The following ODC1 variants were observed in gnomAD, a reference collection of about 807,000 sequenced individuals.
ODC1 encodes the protein ornithine decarboxylase 1.
A neutral mutation model predicts 41.5 loss-of-function variants in ODC1; 18 were observed. The observed-to-expected ratio is 0.43, with a 90% CI of 0.30 to 0.64. The LOEUF (loss-of-function observed/expected upper bound fraction) is 0.64. Ranked by LOEUF, ODC1 falls within the 30% of genes least tolerant of loss-of-function variation. ODC1 has a pLI of 0.11. For synonymous variants in ODC1, 218 were observed against 211.6 expected, an observed-to-expected ratio of 1.03 and a Z score of -0.26; for missense variants, 504 against 589.0, an observed-to-expected ratio of 0.86 and a Z score of 1.49.
chr2:10,442,247 G>A, intron 8 of ODC1, 73 bp from the exon 9 acceptor site: 1 of 1,457,048 alleles, frequency 6.9e-7, no homozygotes, highest in Admixed American at 2.2e-5. Flanking sequence ...AACATCACAG[G>A]GCCTTGTGAC....
At chr2:10,442,275 G>A in intron 8 of ODC1, 101 bp from the exon 9 acceptor site, 1 of 1,181,178 alleles carries the variant, frequency 8.5e-7, no homozygotes, top group Non-Finnish European at 1.2e-6. Context: ...CATGAGACCA[G>A]GCATCAACAG....
In ODC1 at chr2:10,444,093, A is replaced by G; in HGVS notation, c.449+2T>C. ...TTGCCCTCAGATGGGGGAATAACTC[A>G]CTTTGCTTTGGGATGTGCTCTGGCA... On this transcript the variant is annotated splice_donor_variant, in intron 5 of 11. Transcript: ENST00000234111. LOFTEE classifies it high-confidence loss of function. 1 of 1,582,612 alleles carries G rather than the reference A, an allele frequency of 6.3e-7. No homozygotes were observed. Among genetic ancestry groups the G allele is most frequent in the Non-Finnish European group, 8.6e-7 (1 of 1,164,910 alleles).
rs375790950 is a variant in ODC1, at chr2:10,441,497, T to C, written c.1241+12A>G. On this transcript the variant is annotated intron_variant, in intron 11 of 11. Coordinates refer to ENST00000234111, the MANE Select transcript of ODC1 (RefSeq NM_002539.3). ...TTCTTGGCAGCACCATCAACATGCA[T>C]GGCTTACTTACCACGCAGGCCCTGA... 4.4e-5 allele frequency: 71 copies of C among 1,612,068 alleles called. No homozygotes were observed. The highest frequency in any genetic ancestry group is 5.9e-5 in the Non-Finnish European group (69 of 1,179,026).
In ODC1 at chr2:10,441,735, G is replaced by C; in HGVS notation, c.1027-12C>G. 6.2e-7 allele frequency: 1 copy of C among 1,613,668 alleles called. No homozygotes were observed. The highest frequency in any genetic ancestry group is 8.5e-7 in the Non-Finnish European group (1 of 1,179,578). On this transcript the variant is annotated splice_polypyrimidine_tract_variant and intron_variant, in intron 10 of 11. Transcript: ENST00000234111. Reference sequence around the variant, plus strand: ...TCTGGTTTAGGTCTCTATATAAAGAGACGGAGAGAGGAAGTACTACTTAAT... The same window carrying C: ...TCTGGTTTAGGTCTCTATATAAAGACACGGAGAGAGGAAGTACTACTTAAT...
At chr2:10,443,871 A>AT (rs753085643) in intron 5 of ODC1, 35 bp from the exon 6 acceptor site, 1 of 1,609,572 alleles carries the variant, frequency 6.2e-7, no homozygotes, top group East Asian at 2.2e-5. Context: ...ATGTCTCATG[A>AT]TAGATGTTCA....
Position 10,442,072 on chromosome 2 carries a change from T to G in ODC1, c.853A>C (p.Thr285Pro), listed in dbSNP as rs1361009223. Reference protein sequence around the residue: ...PGRYYVASAFTLAVNIIAKKI... With the variant: ...PGRYYVASAFPLAVNIIAKKI... Reference sequence around the variant, plus strand: ...TTGGCAATGATATTAACTGCAAGCGTGAAAGCTGATGCAACATAGTATCTG... The same window carrying G: ...TTGGCAATGATATTAACTGCAAGCGGGAAAGCTGATGCAACATAGTATCTG... The change falls in exon 9 of 12, where the codon ACG becomes CCG. Residue 285 changes from threonine (T) to proline (P), a missense_variant. Thr to Pro is a conservative substitution (Grantham distance 38, BLOSUM62 -1). Around this residue, in one of 3 missense-constraint regions of ODC1, gnomAD observed 447 missense variants for 524.4 expected, o/e 0.85. Transcript: ENST00000234111. 1 of 1,614,028 alleles carries G rather than the reference T, an allele frequency of 6.2e-7. No individual in the cohort carries two copies. Among genetic ancestry groups the G allele is most frequent in the East Asian group, 2.2e-5 (1 of 44,900 alleles).
Position 10,442,277 on chromosome 2 carries a change from C to T in ODC1, c.751-103G>A, listed in dbSNP as rs992284903. On this transcript the variant is annotated intron_variant, in intron 8 of 11. Coordinates refer to ENST00000234111, the MANE Select transcript of ODC1 (RefSeq NM_002539.3). ...TGTGACATGACATCATGAGACCAGG[C>T]ATCAACAGACAGGTTTATCATTAAA... 26 of 1,159,676 alleles carry T rather than the reference C, an allele frequency of 2.2e-5. No individual in the cohort carries two copies. In the African/African-American group the frequency reaches 3.3e-4, roughly 15 times the overall value. 71.8% of individuals were successfully genotyped at this position (1,159,676 alleles called of 1,614,324 possible).
chr2:10,443,904 A>C, intron 5 of ODC1, 68 bp from the exon 6 acceptor site: 1 of 1,591,676 alleles, frequency 6.3e-7, no homozygotes, highest in Non-Finnish European at 8.6e-7. Context: ...ATTAAAATAA[A>C]AACAATCCTG....
intron 11 of ODC1, 139 bp downstream of exon 11, chr2:10,441,365 GTCTTT>G: frequency 1.2e-6 from 1 of 805,150 alleles, no homozygotes; most frequent in South Asian, 1.8e-5. Flanking sequence ...ACACTCATCA[GTCTTT>G]TCTAAAACTT....
chr2:10,444,985 T>G lies in ODC1; in HGVS notation c.48A>C (p.Glu16Asp). ...CCAGAATGTCCTTGGCAGTAAAACC[T>G]TCATCGAGGAAGTGGCAGTCAAACT... is the stretch of plus-strand genomic sequence containing the variant. ...NEEFDCHFLD[E>D]GFTAKDILDQ... The change falls in exon 3 of 12, where the codon GAA becomes GAC. Residue 16 changes from glutamate to aspartate, a missense_variant. Around this residue, in one of 3 missense-constraint regions of ODC1, gnomAD observed 53 missense variants for 46.3 expected, o/e 1.14. Coordinates refer to ENST00000234111, the MANE Select transcript of ODC1 (RefSeq NM_002539.3). 6.2e-7 allele frequency: 1 copy of G among 1,613,968 alleles called. No individual in the cohort carries two copies.
In ODC1 at chr2:10,441,703, C is replaced by G. The variant is rs138045213; in HGVS notation, c.1047G>C (p.Lys349Asn). The change falls in exon 11 of 12, where the codon AAG becomes AAC. Residue 349 changes from lysine to asparagine, a missense_variant. Transcript: ENST00000234111. ...LLQKRPKPDEKYYSSSIWGPT... is the reference protein window; with the variant it reads ...LLQKRPKPDENYYSSSIWGPT... ...GTCCCCATATGCTGGATGAATAATA[C>G]TTCTCATCTGGTTTAGGTCTCTATA... 36 of 1,614,104 alleles carry G rather than the reference C, an allele frequency of 2.2e-5. No homozygotes were observed. The highest frequency in any genetic ancestry group is 3.0e-5 in the Non-Finnish European group (35 of 1,180,040).
intron 11 of ODC1, 134 bp from the exon 12 acceptor site, chr2:10,441,002 G>T: frequency 2.0e-6 from 2 of 1,018,350 alleles, no homozygotes; most frequent in Non-Finnish European, 1.4e-6. Flanking sequence ...TGTTACTCAG[G>T]CTGGAATACA....
At position 10,443,527 on chromosome 2, in the gene ODC1, T is replaced by C. The variant is rs760964873; in HGVS notation, c.629A>G (p.Gln210Arg). The change falls in exon 7 of 12, where the codon CAG becomes CGG. Residue 210 changes from glutamine (Q) to arginine (R), a missense_variant. Physicochemically the swap from Gln to Arg is conservative, Grantham distance 43. Around this residue, in one of 3 missense-constraint regions of ODC1, gnomAD observed 447 missense variants for 524.4 expected, o/e 0.85. Transcript: ENST00000234111. The part of the protein sequence containing the change: ...SGCTDPETFV[Q>R]AISDARCVFD... ...AACACAGCGGGCATCAGAGATTGCCTGCACGAAGGTCTCAGGATCGGTACA... is the reference window on the plus strand; with the variant it reads ...AACACAGCGGGCATCAGAGATTGCCCGCACGAAGGTCTCAGGATCGGTACA... 6.2e-7 allele frequency: 1 copy of C among 1,613,936 alleles called. No individual in the cohort carries two copies. The highest frequency in any genetic ancestry group is 1.3e-5 in the African/African-American group (1 of 74,932).
rs1339356002 is a variant in ODC1 at position 10,441,708 on chromosome 2, C to T, written c.1042G>A (p.Glu348Lys). The part of the protein sequence containing the change: ...PLLQKRPKPD[E>K]KYYSSSIWGP... The stretch of plus-strand genomic sequence containing the variant: ...CATATGCTGGATGAATAATACTTCT[C>T]ATCTGGTTTAGGTCTCTATATAAAG... The change falls in exon 11 of 12, where the codon GAG becomes AAG. Residue 348 changes from glutamate (E) to lysine (K), a missense_variant. By Grantham distance (56) the Glu-to-Lys change is moderately conservative (BLOSUM62 1). Coordinates refer to ENST00000234111, the MANE Select transcript of ODC1 (RefSeq NM_002539.3). 14 of 1,614,210 alleles carry T rather than the reference C, an allele frequency of 8.7e-6. No individual in the cohort carries two copies. Among genetic ancestry groups the T allele is most frequent in the Non-Finnish European group, 1.1e-5 (13 of 1,180,038 alleles).
chr2:10,440,720 C>T lies in ODC1; in HGVS notation c.*4G>A, dbSNP rs1558547656. The T allele has an allele frequency of 5.0e-6, 8 of 1,612,602 alleles. No individual in the cohort carries two copies. The South Asian group carries it at 6.6e-5, about 13-fold the overall frequency. On this transcript the variant is annotated 3_prime_UTR_variant, in exon 12 of 12. Coordinates refer to ENST00000234111, the MANE Select transcript of ODC1 (RefSeq NM_002539.3). ...CTTGCAGTTAACAGCTACCAGAGTGCTATCTACACATTAATACTAGCCGAA... is the reference window on the plus strand; with the variant it reads ...CTTGCAGTTAACAGCTACCAGAGTGTTATCTACACATTAATACTAGCCGAA...
intron 1 of ODC1, among the ~76,000 whole-genome samples, chr2:10,445,633 A>AT (rs1671987125): frequency 6.6e-6 from 1 of 152,208 alleles, no homozygotes; most frequent in African/African-American, 2.4e-5. Context: ...AAATAGCATT[A>AT]TAGACTTTTT....
At position 10,447,247 on chromosome 2, in the gene ODC1, GTCAA is replaced by G. The variant is rs144229860; in HGVS notation, c.-128+870_-128+873del. 4.7e-3 allele frequency among the ~76,000 whole-genome samples: 720 copies of G among 152,256 alleles called. 3 individuals are homozygous for G. The highest frequency in any genetic ancestry group is 0.016 in the African/African-American group (684 of 41,530). On this transcript the variant is annotated intron_variant, in intron 1 of 11. Transcript: ENST00000234111. ...TGTAACAGCTAAGTTATTTAAAATG[GTCAA>G]TCAATTAGCACAAGAGGATAATGTT...
intron 1 of ODC1, among the ~76,000 whole-genome samples, chr2:10,447,218 T>C (rs920804595): frequency 6.6e-6 from 1 of 152,226 alleles, no homozygotes; most frequent in Non-Finnish European, 1.5e-5. Flanking sequence ...CCTTTCGGTC[T>C]TTCTGTAACA....
chr2:10,443,876 T>A (rs370823383), intron 5 of ODC1, 40 bp from the exon 6 acceptor site: 13 of 1,608,628 alleles, frequency 8.1e-6, no homozygotes, highest in Non-Finnish European at 9.4e-6. Context: ...TCATGATAGA[T>A]GTTCACTTAT....
Sources: allele counts gnomAD v4.1 joint callset (sites outside exome capture counted in the v4.1 genomes callset), GRCh38; gene constraint gnomAD v4.1.1; regional missense constraint gnomAD v4.1.1; transcripts MANE v1.5; gene names NCBI Gene and HGNC (gene_info 2026-07-23, HGNC 2026-07-21).